CDH8: variants seen among roughly 807,000 people sequenced by gnomAD.
CDH8 encodes the protein cadherin 8.
In CDH8, 17 loss-of-function variants were observed where a neutral mutation model predicts 68.1. The ratio of observed to expected loss-of-function variants is 0.25; its 90% confidence interval spans 0.17 to 0.37. The LOEUF (loss-of-function observed/expected upper bound fraction) is 0.37, where lower values mean the gene tolerates loss of function less well. CDH8 is among the 10% of genes least tolerant of loss of function. CDH8 has a pLI of 1.00. For synonymous variants in CDH8, 372 were observed against 365.1 expected (o/e 1.02, Z -0.21); for missense variants, 763 against 999.3 (o/e 0.76, Z 3.19).
At chr16:61,657,776 G>A (rs1445681549) in intron 10 of CDH8, among the ~76,000 whole-genome samples, 2 of 152,004 alleles carry the variant, frequency 1.3e-5, no homozygotes, top group African/African-American at 4.8e-5. Context: ...ATTTCTATGA[G>A]AAACAATCTT....
At chr16:61,971,743 C>A (rs1173971559) in intron 2 of CDH8, among the ~76,000 whole-genome samples, 3 of 152,132 alleles carry the variant, frequency 2.0e-5, no homozygotes, top group African/African-American at 7.2e-5. Flanking sequence ...GTGACCAGCT[C>A]CCACGCTAGA....
At chr16:62,032,961 C>T (rs967902676) in intron 1 of CDH8, among the ~76,000 whole-genome samples, 1 of 152,052 alleles carries the variant, frequency 6.6e-6, no homozygotes, top group Non-Finnish European at 1.5e-5. Context: ...TTCTTTTTCC[C>T]CACCAATAAA....
intron 2 of CDH8, among the ~76,000 whole-genome samples, chr16:61,932,068 G>C (rs536875902): frequency 6.6e-6 from 1 of 151,922 alleles, no homozygotes; most frequent in African/African-American, 2.4e-5. Flanking sequence ...TTAGCCGGGC[G>C]TGGTGGTGGG....
intron 2 of CDH8, among the ~76,000 whole-genome samples, chr16:61,987,288 G>T (rs1965645362): frequency 1.3e-5 from 2 of 152,144 alleles, no homozygotes; most frequent in Non-Finnish European, 2.9e-5. Context: ...TGGATCACTT[G>T]AGGTCAGGAG....
At chr16:61,964,733 A>G (rs534538265) in intron 2 of CDH8, among the ~76,000 whole-genome samples, 11 of 152,230 alleles carry the variant, frequency 7.2e-5, no homozygotes, top group South Asian at 4.2e-4. Flanking sequence ...ACAGAGCACA[A>G]TCGATTCTCT....
chr16:61,857,248 T>C lies in CDH8; in HGVS notation c.548-10A>G, dbSNP rs1463712415. ...TTAGTGACAGATGTACCTAATAAAA[T>C]AGAGAAAGAAAAAAGATAATAATTA... On this transcript the variant is annotated splice_polypyrimidine_tract_variant and intron_variant, in intron 3 of 11. Coordinates refer to ENST00000577390, the MANE Select transcript of CDH8 (RefSeq NM_001796.5). The C allele has an allele frequency of 1.9e-6, 3 of 1,607,592 alleles. No individual in the cohort carries two copies. Among genetic ancestry groups the C allele is most frequent in the Non-Finnish European group, 2.6e-6 (3 of 1,175,664 alleles).
At chr16:61,791,681 C>T (rs1456138563) in intron 7 of CDH8, among the ~76,000 whole-genome samples, 5 of 152,026 alleles carry the variant, frequency 3.3e-5, no homozygotes. Context: ...CATTCCATGG[C>T]TATTTGGTTG....
chr16:61,926,000 A>G (rs2143436187), intron 2 of CDH8, among the ~76,000 whole-genome samples: 1 of 152,266 alleles, frequency 6.6e-6, no homozygotes, highest in African/African-American at 2.4e-5. Context: ...TACATACATT[A>G]CTTCATCCTT....
At chr16:61,706,182 A>C (rs920888392) in intron 10 of CDH8, among the ~76,000 whole-genome samples, 1 of 152,336 alleles carries the variant, frequency 6.6e-6, no homozygotes. Context: ...CTTTACAGCA[A>C]CTGTTAACCA....
At chr16:61,716,084 TG>T (rs1361165577) in intron 9 of CDH8, among the ~76,000 whole-genome samples, 1 of 151,676 alleles carries the variant, frequency 6.6e-6, no homozygotes, top group Non-Finnish European at 1.5e-5. Context: ...CTGAAGTGTG[TG>T]AGTGCATATG....
At chr16:61,873,764 C>T (rs11075441) in intron 3 of CDH8, among the ~76,000 whole-genome samples, 78,318 of 152,022 alleles carry the variant, frequency 0.52, 21,667 homozygotes, top group African/African-American at 0.73. Context: ...CAACCAGGTG[C>T]GGTGGCTTAC....
intron 4 of CDH8, among the ~76,000 whole-genome samples, chr16:61,842,188 T>G (rs962534786): frequency 6.6e-6 from 1 of 151,960 alleles, no homozygotes; most frequent in Non-Finnish European, 1.5e-5. Flanking sequence ...ATTACGGGCA[T>G]GAGCCACCGC....
chr16:61,655,677 G>C lies in CDH8; in HGVS notation c.1699C>G (p.Gln567Glu). Residue 567 changes from glutamine to glutamate, a missense_variant, in exon 11 of 12, where the codon CAG (glutamine) becomes GAG (glutamate). By Grantham distance (29) the Gln-to-Glu change is conservative (BLOSUM62 2). Transcript: ENST00000577390. ...GGTAAAAGATAGACTTCTTGCTTCT[G>C]GCGGTTGAATCCATTATGCTTTGCC... is the stretch of plus-strand genomic sequence containing the variant. ...ILAKHNGFNR[Q>E]KQEVYLLPII... is the part of the protein sequence containing the mutation. 6.2e-7 allele frequency: 1 copy of C among 1,613,974 alleles called. No homozygotes were observed. Among genetic ancestry groups the C allele is most frequent in the Non-Finnish European group, 8.5e-7 (1 of 1,179,878 alleles).
chr16:61,766,083 C>A (rs1380643163), intron 8 of CDH8, among the ~76,000 whole-genome samples: 1 of 151,720 alleles, frequency 6.6e-6, no homozygotes, highest in Admixed American at 6.6e-5. Flanking sequence ...TTAGTGCAAC[C>A]ATCACCCAAG....
At chr16:62,005,129 A>G (rs1288777460) in intron 2 of CDH8, among the ~76,000 whole-genome samples, 1 of 151,288 alleles carries the variant, frequency 6.6e-6, no homozygotes, top group East Asian at 1.9e-4. Flanking sequence ...TGTAAATGTG[A>G]CAACACTTCC....
intron 2 of CDH8, among the ~76,000 whole-genome samples, chr16:62,004,537 A>G (rs1473670051): frequency 6.6e-6 from 1 of 152,194 alleles, no homozygotes; most frequent in Non-Finnish European, 1.5e-5. Flanking sequence ...CGGGGTTATA[A>G]CAACAAAAAA....
At chr16:61,986,978 AAT>A (rs1965640197) in intron 2 of CDH8, among the ~76,000 whole-genome samples, 1 of 152,234 alleles carries the variant, frequency 6.6e-6, no homozygotes, top group African/African-American at 2.4e-5. Flanking sequence ...ATGGAAAAAC[AAT>A]GAGAATCACG....
Position 61,658,723 on chromosome 16 carries a change from C to T in CDH8, c.1655-3002G>A, listed in dbSNP as rs539500693. On this transcript the variant is annotated intron_variant, in intron 10 of 11. Transcript: ENST00000577390. Reference sequence around the variant, plus strand: ...TATTTTGGCTATTATTGTTCATTTGCTATTCTTGGAAAAATATAGAATCAG... The same window carrying T: ...TATTTTGGCTATTATTGTTCATTTGTTATTCTTGGAAAAATATAGAATCAG... Among the ~76,000 whole-genome samples, 10 of 152,008 alleles carry T rather than the reference C, an allele frequency of 6.6e-5. No individual in the cohort carries two copies. In the South Asian group the frequency reaches 1.5e-3, roughly 22 times the overall value.
At chr16:61,953,798 G>T (rs1964933060) in intron 2 of CDH8, among the ~76,000 whole-genome samples, 1 of 150,514 alleles carries the variant, frequency 6.6e-6, no homozygotes, top group East Asian at 2.0e-4. Flanking sequence ...GAGCCCAAGT[G>T]GTCGAGGCTG....
Sources: allele counts gnomAD v4.1 joint callset (sites outside exome capture counted in the v4.1 genomes callset), GRCh38; gene constraint gnomAD v4.1.1; transcripts MANE v1.5; gene names NCBI Gene and HGNC (gene_info 2026-07-23, HGNC 2026-07-21).